Variants in NOS3 observed in about 807,000 individuals in gnomAD.
The protein encoded by NOS3 is nitric oxide synthase 3, also known as NOS type III.
In NOS3, 98 loss-of-function variants were observed where a neutral mutation model predicts 144.9. That is an observed-to-expected ratio of 0.68 (90% CI 0.57 to 0.80). The LOEUF is 0.80. NOS3 is among the 30% of genes least tolerant of loss of function. The pLI is 0.00. For missense variants in NOS3, 1,465 were observed against 1,656.4 expected, an observed-to-expected ratio of 0.88 and a Z score of 2.01; for synonymous variants, 714 against 702.4, an observed-to-expected ratio of 1.02 and a Z score of -0.26.
Position 151,003,515 on chromosome 7 carries a change from GA to G in NOS3, c.1752+1216del. ...CCCTCATTCTGACCTACCTTTTCAA[GA>G]AAAATAGCACCAGCAATTGACTTTT... On this transcript the variant is annotated intron_variant, in intron 14 of 26. Transcript: ENST00000297494. This position sits in a 1 kb window ranked among gnomAD's most constrained non-coding sequence, Gnocchi z 4.1. 1 of 1,258,406 alleles carries G rather than the reference GA, an allele frequency of 7.9e-7. No homozygotes were observed. Among genetic ancestry groups the G allele is most frequent in the Non-Finnish European group, 1.0e-6 (1 of 965,608 alleles). 78.0% of individuals were successfully genotyped at this position (1,258,406 alleles called of 1,614,324 possible). A position where few individuals can be genotyped will look rare whatever the true frequency, so the allele number is the denominator to read the frequency against.
intron 23 of NOS3, 106 bp downstream of exon 23, chr7:151,011,092 T>G: frequency 5.3e-6 from 4 of 751,834 alleles, no homozygotes; most frequent in Non-Finnish European, 9.3e-6. Flanking sequence ...GAAGGAGCTC[T>G]GTAACATGTC....
At position 151,006,604 on chromosome 7, in the gene NOS3, CA is replaced by C. The variant is rs926207597; in HGVS notation, c.1820+114del. ...TCTGTGCCTCAAGTCGTTTTCCCACCAAAAGCCAGGGCTCCAGGATGCCCTC... is the reference window on the plus strand; with the variant it reads ...TCTGTGCCTCAAGTCGTTTTCCCACCAAAGCCAGGGCTCCAGGATGCCCTC... On this transcript the variant is annotated intron_variant, in intron 15 of 26. Transcript: ENST00000297494. The C allele has an allele frequency of 1.5e-5, 14 of 958,338 alleles. No homozygotes were observed. In the African/African-American group the frequency reaches 1.8e-4, roughly 12 times the overall value. The allele number at this position is 958,338 out of a possible 1,614,324, so 59.4% of individuals were successfully genotyped here. A position where few individuals can be genotyped will look rare whatever the true frequency, so the allele number is the denominator to read the frequency against.
rs139526064 is a variant in NOS3 at position 151,002,271 on chromosome 7, A to T, written c.1719A>T (p.Thr573=). 1.3e-6 allele frequency: 2 copies of T among 1,598,168 alleles called. No individual in the cohort carries two copies. The highest frequency in any genetic ancestry group is 1.7e-6 in the Non-Finnish European group (2 of 1,171,750). ...CGCTGGTGCTGGTGGTAACCAGCAC[A>T]TTTGGGAATGGGGATCCCCCGGAGA... ...HETLVLVVTS[T]FGNGDPPENG... Residue 573 remains threonine, a synonymous_variant, in exon 14 of 27, where the codon ACA becomes ACT. Transcript: ENST00000297494. The surrounding 1 kb of genome is among the most constrained non-coding windows in gnomAD (Gnocchi z 4.1).
intron 12 of NOS3, 58 bp downstream of exon 12, chr7:151,001,675 C>G (rs1442173214): frequency 4.2e-5 from 66 of 1,583,534 alleles, no homozygotes; most frequent in Non-Finnish European, 5.6e-5. Flanking sequence ...CACTCTCCCC[C>G]ACACACCCTG....
In NOS3 at chr7:150,996,545, A is replaced by G. The variant is rs781240011; in HGVS notation, c.412A>G (p.Ile138Val). 1.3e-6 allele frequency: 2 copies of G among 1,595,266 alleles called. No homozygotes were observed. Among genetic ancestry groups the G allele is most frequent in the Non-Finnish European group, 1.7e-6 (2 of 1,169,984 alleles). The stretch of plus-strand genomic sequence containing the variant: ...CTTCATCAACCAGTACTACAGCTCC[A>G]TTAAGAGGTGACAGCTTCCCGGACG... ...RDFINQYYSSIKRSGSQAHEQ... is the reference protein window; with the variant it reads ...RDFINQYYSSVKRSGSQAHEQ... Residue 138 changes from isoleucine to valine, a missense_variant, in exon 4 of 27, where the codon ATT (isoleucine) becomes GTT (valine). Ile to Val is a conservative substitution (Grantham distance 29, BLOSUM62 3). Around this residue, in one of 5 missense-constraint regions of NOS3, gnomAD observed 374 missense variants for 377.0 expected, o/e 0.99. Transcript: ENST00000297494.
At chr7:151,012,607 C>A in intron 24 of NOS3, 135 bp downstream of exon 24, 4 of 1,109,862 alleles carry the variant, frequency 3.6e-6, no homozygotes, top group Non-Finnish European at 5.0e-6. Context: ...GCTCATGAGA[C>A]CAAGGGGAGG....
In NOS3 at chr7:150,993,732, G is replaced by A. The variant is rs1403883150; in HGVS notation, c.-51-21G>A. On this transcript the variant is annotated intron_variant, in intron 1 of 26. Coordinates refer to ENST00000297494, the MANE Select transcript of NOS3 (RefSeq NM_000603.5). The surrounding 1 kb of genome is among the most constrained non-coding windows in gnomAD (Gnocchi z 4.0). ...CCCCCTCCCACTGCCCCCTCCTCTC[G>A]GTCCCCTCCCTCTTCCTAAGGAAAA... 6.7e-6 allele frequency: 10 copies of A among 1,495,864 alleles called. No individual in the cohort carries two copies. The highest frequency in any genetic ancestry group is 2.6e-5 in the South Asian group (2 of 77,258). 92.7% of individuals were successfully genotyped at this position (1,495,864 alleles called of 1,614,324 possible). A position where few individuals can be genotyped will look rare whatever the true frequency, so the allele number is the denominator to read the frequency against.
chr7:151,000,672 G>A, intron 10 of NOS3, 73 bp downstream of exon 10: 4 of 987,580 alleles, frequency 4.1e-6, no homozygotes, highest in South Asian at 4.0e-5. Context: ...GGATGGAGGA[G>A]AGGCAGCCAT....
intron 2 of NOS3, 100 bp downstream of exon 2, chr7:150,994,061 G>A: frequency 7.6e-7 from 1 of 1,323,064 alleles, no homozygotes; most frequent in Non-Finnish European, 1.0e-6. Flanking sequence ...GAGTCGGGAG[G>A]GCCAGGTCAC....
In NOS3 at chr7:151,013,439, G is replaced by C. The variant is rs1266266630; in HGVS notation, c.3255+60G>C. ...GATAGGGAGAGAGGGGAGGACTCGC[G>C]CTCTCCAGCGGGGCACACCAACCAC... is the stretch of plus-strand genomic sequence containing the variant. On this transcript the variant is annotated intron_variant, in intron 25 of 26. Coordinates refer to ENST00000297494, the MANE Select transcript of NOS3 (RefSeq NM_000603.5). 10 of 1,546,080 alleles carry C rather than the reference G, an allele frequency of 6.5e-6. No individual in the cohort carries two copies. The African/African-American group carries it at 9.5e-5, about 15-fold the overall frequency.
At chr7:151,012,036 T>A (rs577460092) in intron 23 of NOS3, 1 of 327,794 alleles carries the variant, frequency 3.1e-6, no homozygotes, top group African/African-American at 2.1e-5. Context: ...CTATTAAGGA[T>A]ACTTAAAATA....
intron 24 of NOS3, 60 bp downstream of exon 24, chr7:151,012,532 T>G (rs1584914018): frequency 5.8e-6 from 9 of 1,556,642 alleles, no homozygotes; most frequent in Non-Finnish European, 7.9e-6. Flanking sequence ...GACAGAGGGG[T>G]GGGGCTGGAA....
chr7:151,009,509 G>C lies in NOS3; in HGVS notation c.2436G>C (p.Ala812=), dbSNP rs1185942994. 25 of 1,547,026 alleles carry C rather than the reference G, an allele frequency of 1.6e-5. No homozygotes were observed. Among genetic ancestry groups the C allele is most frequent in the Non-Finnish European group, 2.1e-5 (24 of 1,146,406 alleles). ...CPPNRPGLVE[A]LLSRVEDPPA... Reference sequence around the variant, plus strand: ...CCAACCGGCCCGGCCTTGTGGAGGCGCTGCTGAGCCGCGTGGAGGACCCGC... The same window carrying C: ...CCAACCGGCCCGGCCTTGTGGAGGCCCTGCTGAGCCGCGTGGAGGACCCGC... Residue 812 remains alanine (A), a synonymous_variant, in exon 20 of 27, where the codon GCG becomes GCC. Transcript: ENST00000297494.
Position 150,995,227 on chromosome 7 carries a change from G to C in NOS3, c.183G>C (p.Gln61His), listed in dbSNP as rs770869920. The change falls in exon 3 of 27, where the codon CAG (glutamine) becomes CAC (histidine). Residue 61 changes from glutamine (Q) to histidine (H), a missense_variant. This residue lies in a region of NOS3 where 374 missense variants were observed against 377.0 expected (regional missense o/e 0.99). Coordinates refer to ENST00000297494, the MANE Select transcript of NOS3 (RefSeq NM_000603.5). ...GCCCCCCGAGCTCCCCGCTAACCCA[G>C]CCCCCAGAGGGGCCCAAGTTCCCTC... Reference protein sequence around the residue: ...EHSPPSSPLTQPPEGPKFPRV... With the variant: ...EHSPPSSPLTHPPEGPKFPRV... The C allele has an allele frequency of 3.7e-6, 6 of 1,610,126 alleles. No individual in the cohort carries two copies. Among genetic ancestry groups the C allele is most frequent in the Non-Finnish European group, 5.1e-6 (6 of 1,178,004 alleles).
chr7:151,003,949 G>A lies in NOS3; in HGVS notation c.1752+1645G>A, dbSNP rs1266110009. The A allele has an allele frequency of 6.1e-6, 2 of 328,176 alleles. No individual in the cohort carries two copies. The highest frequency in any genetic ancestry group is 6.0e-6 in the Non-Finnish European group (1 of 167,692). 20.3% of individuals were successfully genotyped at this position (328,176 alleles called of 1,614,324 possible). Reference sequence around the variant, plus strand: ...AACATTCTTGTACCCGGCTTTTGTGGGCTTATGTTTTTATTTCTCTTGGGT... The same window carrying A: ...AACATTCTTGTACCCGGCTTTTGTGAGCTTATGTTTTTATTTCTCTTGGGT... On this transcript the variant is annotated intron_variant, in intron 14 of 26. Transcript: ENST00000297494. The surrounding 1 kb of genome is among the most constrained non-coding windows in gnomAD (Gnocchi z 4.1).
In NOS3 at chr7:150,993,695, A is replaced by G. The variant is rs1209927607; in HGVS notation, c.-51-58A>G. ...ATGGGATAGGGGCGGGGCGAGGGCCAGCACTGGAGAGCCCCCTCCCACTGC... is the reference window on the plus strand; with the variant it reads ...ATGGGATAGGGGCGGGGCGAGGGCCGGCACTGGAGAGCCCCCTCCCACTGC... On this transcript the variant is annotated intron_variant, in intron 1 of 26. Coordinates refer to ENST00000297494, the MANE Select transcript of NOS3 (RefSeq NM_000603.5). This position sits in a 1 kb window ranked among gnomAD's most constrained non-coding sequence, Gnocchi z 4.0. 1 of 1,127,544 alleles carries G rather than the reference A, an allele frequency of 8.9e-7. No individual in the cohort carries two copies. The allele number at this position is 1,127,544 out of a possible 1,614,324, so 69.8% of individuals were successfully genotyped here.
chr7:150,996,818 G>A lies in NOS3; in HGVS notation c.475G>A (p.Ala159Thr), dbSNP rs1044229445. ...RLQEVEAEVA[A>T]TGTYQLRESE... ...TCAAGAGGTGGAAGCCGAGGTGGCA[G>A]CCACAGGCACCTACCAGCTTAGGGA... Residue 159 changes from alanine (A) to threonine (T), a missense_variant, in exon 5 of 27, where the codon GCC (alanine) becomes ACC (threonine). Transcript: ENST00000297494. 57 of 1,611,220 alleles carry A rather than the reference G, an allele frequency of 3.5e-5. No homozygotes were observed. The highest frequency in any genetic ancestry group is 4.6e-5 in the Non-Finnish European group (54 of 1,179,518).
At position 151,001,213 on chromosome 7, in the gene NOS3, C is replaced by G; in HGVS notation, c.1234-18C>G. ...TGTGGGTCTGGTTTGAGCCTCTCCC[C>G]CTCTCTCTCCCTTCCAGCTAGCCAA... On this transcript the variant is annotated intron_variant, in intron 10 of 26. Coordinates refer to ENST00000297494, the MANE Select transcript of NOS3 (RefSeq NM_000603.5). The G allele has an allele frequency of 2.5e-6, 4 of 1,610,770 alleles. No individual in the cohort carries two copies. Among genetic ancestry groups the G allele is most frequent in the South Asian group, 1.1e-5 (1 of 91,032 alleles).
chr7:151,004,241 CG>C (rs1795172858), intron 14 of NOS3, among the ~76,000 whole-genome samples: 3 of 152,270 alleles, frequency 2.0e-5, no homozygotes, highest in Admixed American at 2.0e-4. Context: ...GGAGGCTAGG[CG>C]GGAGAATTGC....
Sources: allele counts gnomAD v4.1 joint callset (sites outside exome capture counted in the v4.1 genomes callset), GRCh38; gene constraint gnomAD v4.1.1; regional missense constraint gnomAD v4.1.1; non-coding constraint Gnocchi (gnomAD v3.1); transcripts MANE v1.5; gene names NCBI Gene and HGNC (gene_info 2026-07-23, HGNC 2026-07-21).